Variants in NCOA2 observed in about 807,000 individuals in gnomAD.
NCOA2 encodes nuclear receptor coactivator 2, also known as class E basic helix-loop-helix protein 75.
In NCOA2, 21 loss-of-function variants were observed where a neutral mutation model predicts 145.1. That is an observed-to-expected ratio of 0.14 (90% confidence interval 0.10 to 0.21). NCOA2 has a LOEUF of 0.21. Ranked by LOEUF, NCOA2 falls within the 10% of genes least tolerant of loss-of-function variation. The pLI, the probability that NCOA2 is intolerant of heterozygous loss-of-function variation, is 1.00. For synonymous variants in NCOA2, 619 were observed against 637.5 expected (o/e 0.97, Z 0.44); for missense variants, 1,472 against 1,837.6 (o/e 0.80, Z 3.64).
chr8:70,452,506 A>G, the NCOA2 span, among the ~76,000 whole-genome samples: 1 of 152,310 alleles, frequency 6.6e-6, no homozygotes, highest in Admixed American at 6.5e-5. Context: ...GGGCAAATCC[A>G]TACAAAACAA....
intron 2 of NCOA2, among the ~76,000 whole-genome samples, chr8:70,257,611 A>T (rs556345795): frequency 6.6e-6 from 1 of 152,300 alleles, no homozygotes; most frequent in African/African-American, 2.4e-5. Context: ...TGCTAAACTA[A>T]GGCAGCACGC....
the NCOA2 span, among the ~76,000 whole-genome samples, chr8:70,428,085 AT>A: frequency 6.6e-6 from 1 of 152,158 alleles, no homozygotes; most frequent in Non-Finnish European, 1.5e-5. Flanking sequence ...AGGAAAAAAA[AT>A]TGAGAAAATT....
chr8:70,404,450 A>C (rs1351976122), upstream of NCOA2, among the ~76,000 whole-genome samples: 1 of 151,546 alleles, frequency 6.6e-6, no homozygotes, highest in Non-Finnish European at 1.5e-5. Flanking sequence ...AGCACCCTGC[A>C]CCCCCTCGGG....
At chr8:70,423,950 C>A in the NCOA2 span, among the ~76,000 whole-genome samples, 1 of 152,200 alleles carries the variant, frequency 6.6e-6, no homozygotes, top group Non-Finnish European at 1.5e-5. Flanking sequence ...ATGGCCTCTC[C>A]TGTGATTAAC....
chr8:70,142,546 A>G (rs1294368553), intron 13 of NCOA2, among the ~76,000 whole-genome samples: 1 of 152,066 alleles, frequency 6.6e-6, no homozygotes, highest in Admixed American at 6.6e-5. Flanking sequence ...AAAAAATACA[A>G]AAATTAGCCG....
intron 1 of NCOA2, among the ~76,000 whole-genome samples, chr8:70,302,136 T>C (rs1158519514): frequency 6.6e-6 from 1 of 152,186 alleles, no homozygotes; most frequent in Non-Finnish European, 1.5e-5. Flanking sequence ...TTTCAGATTA[T>C]TGAACATGAT....
At chr8:70,388,296 T>C (rs1252201621) in intron 1 of NCOA2, among the ~76,000 whole-genome samples, 1 of 152,236 alleles carries the variant, frequency 6.6e-6, no homozygotes, top group Non-Finnish European at 1.5e-5. Context: ...ATTAAAGGTA[T>C]ATGTAAAATG....
At chr8:70,160,992 A>T (rs970896167) in intron 9 of NCOA2, among the ~76,000 whole-genome samples, 6 of 152,222 alleles carry the variant, frequency 3.9e-5, no homozygotes, top group East Asian at 1.9e-4. Context: ...CTTGGCTGTG[A>T]TCCCTAAAGA....
intron 2 of NCOA2, among the ~76,000 whole-genome samples, chr8:70,228,808 TA>T (rs1378716376): frequency 6.6e-6 from 1 of 152,202 alleles, no homozygotes; most frequent in Non-Finnish European, 1.5e-5. Context: ...GACAGCTAGC[TA>T]TATTATATTC....
intron 4 of NCOA2, among the ~76,000 whole-genome samples, chr8:70,185,878 G>C (rs1014411899): frequency 2.0e-5 from 3 of 152,152 alleles, no homozygotes; most frequent in Admixed American, 6.5e-5. Flanking sequence ...AGTTACTACA[G>C]GCAGAGTTTA....
intron 1 of NCOA2, among the ~76,000 whole-genome samples, chr8:70,303,568 T>C (rs1030415970): frequency 7.9e-5 from 12 of 152,216 alleles, no homozygotes; most frequent in African/African-American, 2.4e-4. Flanking sequence ...AATAAGAATT[T>C]GGATACGGCA....
intron 1 of NCOA2, among the ~76,000 whole-genome samples, chr8:70,364,925 G>C (rs540360136): frequency 1.1e-3 from 168 of 151,788 alleles, no homozygotes; most frequent in Middle Eastern, 6.8e-3. Context: ...GTGGTTCCAA[G>C]TGTTTCTGCA....
intron 4 of NCOA2, among the ~76,000 whole-genome samples, chr8:70,204,024 T>TC (rs1003372124): frequency 6.6e-6 from 1 of 152,200 alleles, no homozygotes. Flanking sequence ...ATTCTTTTTT[T>TC]TTTTTAAGAT....
At chr8:70,249,756 A>G (rs1426585088) in intron 2 of NCOA2, among the ~76,000 whole-genome samples, 1 of 151,932 alleles carries the variant, frequency 6.6e-6, no homozygotes, top group Non-Finnish European at 1.5e-5. Context: ...TGAGGTCAGG[A>G]GTTTGAGACC....
chr8:70,331,647 G>A (rs1445350743), intron 1 of NCOA2, among the ~76,000 whole-genome samples: 1 of 151,968 alleles, frequency 6.6e-6, no homozygotes, highest in Non-Finnish European at 1.5e-5. Context: ...CATACGACCA[G>A]AGAAATCAAA....
At position 70,128,683 on chromosome 8, in the gene NCOA2, G is replaced by A. The variant is rs780118054; in HGVS notation, c.3603+19C>T. 4 of 1,610,230 alleles carry A rather than the reference G, an allele frequency of 2.5e-6. No homozygotes were observed. The highest frequency in any genetic ancestry group is 1.1e-5 in the South Asian group (1 of 91,022). On this transcript the variant is annotated intron_variant, in intron 17 of 22. Coordinates refer to ENST00000452400, the MANE Select transcript of NCOA2 (RefSeq NM_006540.4). ...CCACCCAGCACCCCTGACTTCCCAGGTGCCATCGAAGAACAGACCTGCTGT... is the reference window on the plus strand; with the variant it reads ...CCACCCAGCACCCCTGACTTCCCAGATGCCATCGAAGAACAGACCTGCTGT...
At chr8:70,238,167 T>C (rs938628839) in intron 2 of NCOA2, among the ~76,000 whole-genome samples, 7 of 152,060 alleles carry the variant, frequency 4.6e-5, no homozygotes, top group African/African-American at 1.7e-4. Context: ...CGCGCGCGTG[T>C]GTGTGTTTTA....
intron 2 of NCOA2, among the ~76,000 whole-genome samples, chr8:70,237,420 AT>A (rs1293059302): frequency 2.3e-5 from 2 of 88,792 alleles, no homozygotes; most frequent in Non-Finnish European, 4.2e-5. Flanking sequence ...TCCATCCAGT[AT>A]TTTCCTTTTT....
intron 4 of NCOA2, among the ~76,000 whole-genome samples, chr8:70,183,001 T>C (rs1815658047): frequency 6.6e-6 from 1 of 152,200 alleles, no homozygotes; most frequent in African/African-American, 2.4e-5. Context: ...CATTCCCTGA[T>C]ATGATAATGG....
Sources: allele counts gnomAD v4.1 joint callset (sites outside exome capture counted in the v4.1 genomes callset), GRCh38; gene constraint gnomAD v4.1.1; transcripts MANE v1.5; gene names NCBI Gene and HGNC (gene_info 2026-07-23, HGNC 2026-07-21).